Variants in PYGB observed in about 807,000 individuals in gnomAD.
The protein encoded by PYGB is glycogen phosphorylase B.
In PYGB, 82 loss-of-function variants were observed where a neutral mutation model predicts 94.3. That is an observed-to-expected ratio of 0.87 (90% CI 0.73 to 1.04). The LOEUF is 1.04. Ranked by LOEUF, PYGB falls within the 50% of genes least tolerant of loss-of-function variation. The probability of loss-of-function intolerance (pLI) is 0.00; values close to 1 mark genes in which losing one functional copy is unlikely to be tolerated. For synonymous variants in PYGB, 488 were observed against 479.1 expected (o/e 1.02, Z -0.24); for missense variants, 1,132 against 1,158.2 (o/e 0.98, Z 0.33).
At chr20:25,268,157 A>ACCCCCCCCCCCCCCCCCC (rs375575044) in intron 2 of PYGB, among the ~76,000 whole-genome samples, 3 of 28,334 alleles carry the variant, frequency 1.1e-4, no homozygotes, top group African/African-American at 1.6e-4. Context: ...AAATCCTAGC[A>ACCCCCCCCCCCCCCCCCC]CCCGCCCCCC....
Position 25,274,256 on chromosome 20 carries a change from C to T in PYGB, c.529-336C>T, listed in dbSNP as rs558319684. Among the ~76,000 whole-genome samples, 20 of 152,320 alleles carry T rather than the reference C, an allele frequency of 1.3e-4. No individual in the cohort carries two copies. The South Asian group carries it at 1.5e-3, about 11-fold the overall frequency. On this transcript the variant is annotated intron_variant, in intron 4 of 19. Coordinates refer to ENST00000216962, the MANE Select transcript of PYGB (RefSeq NM_002862.4). ...CTGAACATTTTCCTGTAAATAGCCT[C>T]GTGTGATGCGTGGTATTTTTGTCTG... is the stretch of plus-strand genomic sequence containing the variant.
At chr20:25,277,706 G>A (rs1401990736) in intron 7 of PYGB, among the ~76,000 whole-genome samples, 1 of 152,240 alleles carries the variant, frequency 6.6e-6, no homozygotes. Flanking sequence ...CAGGTGATCT[G>A]TCTGTCCAGG....
In PYGB at chr20:25,294,953, G is replaced by A. The variant is rs776684266; in HGVS notation, c.2313-651G>A. 2.4e-5 allele frequency: 39 copies of A among 1,613,840 alleles called. 1 individual carries two copies. The East Asian group carries it at 6.7e-4, about 28-fold the overall frequency. On this transcript the variant is annotated intron_variant, in intron 18 of 19. Coordinates refer to ENST00000216962, the MANE Select transcript of PYGB (RefSeq NM_002862.4). ...TTTTGTCTGCTGCTCTTCGATGACCGTGTCACCTGTTGGCTTCAGTCACAC... is the reference window on the plus strand; with the variant it reads ...TTTTGTCTGCTGCTCTTCGATGACCATGTCACCTGTTGGCTTCAGTCACAC...
At chr20:25,258,737 A>C (rs1463453057) in intron 1 of PYGB, among the ~76,000 whole-genome samples, 5 of 152,380 alleles carry the variant, frequency 3.3e-5, no homozygotes, top group Admixed American at 2.0e-4. Context: ...ACATGGATGC[A>C]TCCATTCAGC....
At position 25,248,111 on chromosome 20, in the gene PYGB, C is replaced by G; in HGVS notation, c.-68C>G. 6.8e-7 allele frequency: 1 copy of G among 1,461,238 alleles called. No homozygotes were observed. Among genetic ancestry groups the G allele is most frequent in the Non-Finnish European group, 9.0e-7 (1 of 1,107,448 alleles). 90.5% of individuals were successfully genotyped at this position (1,461,238 alleles called of 1,614,324 possible). The stretch of plus-strand genomic sequence containing the variant: ...GAGCAGCGGCGCCAGAGCAGCTGCA[C>G]CATCCCGGCGTTCGCGTGTGCCGCC... On this transcript the variant is annotated 5_prime_UTR_variant, in exon 1 of 20. Transcript: ENST00000216962.
chr20:25,284,727 T>G (rs2088402433), intron 14 of PYGB, among the ~76,000 whole-genome samples: 1 of 152,272 alleles, frequency 6.6e-6, no homozygotes, highest in African/African-American at 2.4e-5. Flanking sequence ...TACCGGGCCT[T>G]CAGTTTTTAT....
At chr20:25,288,265 C>T (rs1398847767) in intron 14 of PYGB, 160 bp from the exon 15 acceptor site, 3 of 815,562 alleles carry the variant, frequency 3.7e-6, no homozygotes, top group East Asian at 2.6e-5. Context: ...GGTGGGTGGC[C>T]AGTGGCCCTG....
chr20:25,262,561 T>C (rs1212762031), intron 2 of PYGB, among the ~76,000 whole-genome samples: 2 of 152,174 alleles, frequency 1.3e-5, no homozygotes, highest in African/African-American at 4.8e-5. Flanking sequence ...AGGAAGAAAC[T>C]GTATCAGCTA....
In PYGB at chr20:25,282,052, C is replaced by A; in HGVS notation, c.1423C>A (p.Leu475Met). ...KQSVFKDFYE[L>M]EPEKFQNKTN... is the part of the protein sequence containing the mutation. ...TTGCAGCTTTAAGGATTTTTATGAA[C>A]TGGAGCCAGAGAAGTTCCAGAATAA... The change falls in exon 12 of 20, where the codon CTG becomes ATG. Residue 475 changes from leucine (L) to methionine (M), a missense_variant. By Grantham distance (15) the Leu-to-Met change is conservative. Coordinates refer to ENST00000216962, the MANE Select transcript of PYGB (RefSeq NM_002862.4). The A allele has an allele frequency of 6.2e-7, 1 of 1,613,758 alleles. No individual in the cohort carries two copies. The highest frequency in any genetic ancestry group is 8.5e-7 in the Non-Finnish European group (1 of 1,179,660).
chr20:25,285,245 T>C (rs984275006), intron 14 of PYGB: 39 of 152,182 alleles, frequency 2.6e-4, no homozygotes, highest in African/African-American at 9.4e-4. Context: ...ACGGGAACTT[T>C]GCATCATCTT....
At chr20:25,261,102 T>C (rs1400267775) in intron 2 of PYGB, among the ~76,000 whole-genome samples, 2 of 152,216 alleles carry the variant, frequency 1.3e-5, no homozygotes, top group African/African-American at 4.8e-5. Context: ...GACAAATGTC[T>C]CTGTGTGACA....
chr20:25,290,971 C>T (rs568390886), intron 16 of PYGB, among the ~76,000 whole-genome samples: 34 of 152,020 alleles, frequency 2.2e-4, no homozygotes, highest in Admixed American at 1.3e-3. Flanking sequence ...GCTGGCAGGA[C>T]CTGCCTGGCC....
At chr20:25,255,769 T>C (rs1325054667) in intron 1 of PYGB, among the ~76,000 whole-genome samples, 3 of 151,914 alleles carry the variant, frequency 2.0e-5, no homozygotes, top group Non-Finnish European at 4.4e-5. Context: ...GTTTTGCTCT[T>C]GTTGCCCAGG....
At position 25,276,818 on chromosome 20, in the gene PYGB, C is replaced by T. The variant is rs953694746; in HGVS notation, c.772+61C>T. 92 of 1,490,858 alleles carry T rather than the reference C, an allele frequency of 6.2e-5. No homozygotes were observed. In the East Asian group the frequency reaches 1.7e-3, roughly 28 times the overall value. 92.4% of individuals were successfully genotyped at this position (1,490,858 alleles called of 1,614,324 possible). ...GTGGGTGGCTGGTCCCAGACACCCT[C>T]GCCCACAGCCTTTACCGCGCCCTGT... On this transcript the variant is annotated intron_variant, in intron 6 of 19. Coordinates refer to ENST00000216962, the MANE Select transcript of PYGB (RefSeq NM_002862.4).
At chr20:25,260,331 T>C (rs558831352) in intron 2 of PYGB, among the ~76,000 whole-genome samples, 29 of 152,336 alleles carry the variant, frequency 1.9e-4, no homozygotes, top group African/African-American at 5.8e-4. Context: ...TGCATTTTCT[T>C]TTTTGAAACA....
At position 25,260,915 on chromosome 20, in the gene PYGB, G is replaced by T. The variant is rs1242209427; in HGVS notation, c.345+1577G>T. Among the ~76,000 whole-genome samples the T allele has an allele frequency of 2.6e-5, 4 of 152,246 alleles. No homozygotes were observed. The East Asian group carries it at 5.8e-4, about 22-fold the overall frequency. On this transcript the variant is annotated intron_variant, in intron 2 of 19. Transcript: ENST00000216962. ...CAGTATGAGATTGAACTGCAAGGCGGCAGTGAGGCTTGGGGAGGGGCGTCC... is the reference window on the plus strand; with the variant it reads ...CAGTATGAGATTGAACTGCAAGGCGTCAGTGAGGCTTGGGGAGGGGCGTCC...
chr20:25,268,161 G>GCCCGC (rs1555806062), intron 2 of PYGB, among the ~76,000 whole-genome samples: 1 of 62,038 alleles, frequency 1.6e-5, no homozygotes, highest in African/African-American at 6.4e-5. Context: ...CCTAGCACCC[G>GCCCGC]CCCCCCCCCC....
At chr20:25,257,721 C>A (rs191737120) in intron 1 of PYGB, among the ~76,000 whole-genome samples, 1 of 152,270 alleles carries the variant, frequency 6.6e-6, no homozygotes, top group Admixed American at 6.5e-5. Context: ...TGGTCATGTT[C>A]CTGGCCTGTC....
intron 1 of PYGB, among the ~76,000 whole-genome samples, chr20:25,254,071 C>CAAA (rs11350552): frequency 2.3e-5 from 3 of 129,680 alleles, no homozygotes; most frequent in Non-Finnish European, 3.3e-5. Context: ...GACTCTGTCT[C>CAAA]AAAAAAAAAA....
Sources: gnomAD v4.1 joint callset for allele counts (sites outside exome capture counted in the v4.1 genomes callset) on GRCh38, gnomAD v4.1.1 for gene constraint, MANE v1.5 for transcripts, NCBI Gene and HGNC (gene_info 2026-07-23, HGNC 2026-07-21) for gene names.